The following TMEM270 variants were observed in gnomAD, a reference collection of about 807,000 sequenced individuals.
TMEM270 encodes Williams-Beuren syndrome chromosome region 28.
A neutral mutation model predicts 29.9 loss-of-function variants in TMEM270; 30 were observed. The observed-to-expected ratio is 1.00, with a 90% CI of 0.75 to 1.36. The LOEUF (loss-of-function observed/expected upper bound fraction) is 1.36. Ranked by LOEUF, TMEM270 falls within the 40% of genes most tolerant of loss-of-function variation. TMEM270 has a pLI of 0.00. For synonymous variants in TMEM270, 135 were observed against 139.8 expected, an observed-to-expected ratio of 0.97 and a Z score of 0.24; for missense variants, 313 against 307.1, an observed-to-expected ratio of 1.02 and a Z score of -0.14.
chr7:73,864,640 C>T (rs1297526724), intron 1 of TMEM270, among the ~76,000 whole-genome samples: 2 of 150,830 alleles, frequency 1.3e-5, no homozygotes, highest in South Asian at 2.1e-4. Context: ...CAGTGGCTCA[C>T]GCCTGTAATC....
rs1460743444 is a variant in TMEM270, at chr7:73,865,708, C to G, written c.633C>G (p.Ala211=). ...AYLITWTTCL[A]SHLLQAAFEH... Reference sequence around the variant, plus strand: ...TCATCACCTGGACCACCTGCCTGGCCTCCCACCTGCTGCAGGCTGCCTTTG... The same window carrying G: ...TCATCACCTGGACCACCTGCCTGGCGTCCCACCTGCTGCAGGCTGCCTTTG... Residue 211 remains alanine, a synonymous_variant, in exon 3 of 3, where the codon GCC becomes GCG. Coordinates refer to ENST00000320531, the MANE Select transcript of TMEM270 (RefSeq NM_182504.4). 6.2e-7 allele frequency: 1 copy of G among 1,614,000 alleles called. No homozygotes were observed. Among genetic ancestry groups the G allele is most frequent in the African/African-American group, 1.3e-5 (1 of 74,930 alleles).
In TMEM270 at chr7:73,861,284, G is replaced by GGGGT; in HGVS notation, c.72+18_72+19insGGGT. 95 of 857,082 alleles carry GGGGT rather than the reference G, an allele frequency of 1.1e-4. No individual in the cohort carries two copies. Among genetic ancestry groups the GGGGT allele is most frequent in the Non-Finnish European group, 1.4e-4 (74 of 539,402 alleles). The allele number at this position is 857,082 out of a possible 1,614,324, so 53.1% of individuals were successfully genotyped here. On this transcript the variant is annotated intron_variant, in intron 1 of 2. Transcript: ENST00000320531. The stretch of plus-strand genomic sequence containing the variant: ...CAGTGCTGGTGAGTGGGGGCTGGGG[G>GGGGT]TAAGTGGGGTGGGGACCACACACCA...
In TMEM270 at chr7:73,865,059, G is replaced by A. The variant is rs782267061; in HGVS notation, c.139G>A (p.Val47Met). 8.3e-5 allele frequency: 127 copies of A among 1,531,424 alleles called. No homozygotes were observed. Among genetic ancestry groups the A allele is most frequent in the Non-Finnish European group, 1.0e-4 (119 of 1,140,130 alleles). 94.9% of individuals were successfully genotyped at this position (1,531,424 alleles called of 1,614,324 possible). A position where few individuals can be genotyped will look rare whatever the true frequency, so the allele number is the denominator to read the frequency against. Residue 47 changes from valine (V) to methionine (M), a missense_variant, in exon 2 of 3, where the codon GTG becomes ATG. Val to Met is a conservative substitution (Grantham distance 21, BLOSUM62 1). Coordinates refer to ENST00000320531, the MANE Select transcript of TMEM270 (RefSeq NM_182504.4). ...CAAGATCAACCTCTTCAACCACTGG[G>A]TGTCAGGGCTGGCCCAGGAGGCCCG... ...LLKINLFNHW[V>M]SGLAQEARGS...
At chr7:73,864,153 G>A (rs1392143755) in intron 1 of TMEM270, among the ~76,000 whole-genome samples, 5 of 148,598 alleles carry the variant, frequency 3.4e-5, no homozygotes, top group Non-Finnish European at 7.4e-5. Flanking sequence ...TGGACTTAGT[G>A]AGATGCACCT....
At chr7:73,861,112 C>G (rs1005789875), upstream of TMEM270, 11 of 1,417,180 alleles carry the variant, frequency 7.8e-6, no homozygotes, top group Admixed American at 1.2e-4. Flanking sequence ...CAACCGGGTC[C>G]CCATGGTAAC....
intron 1 of TMEM270, among the ~76,000 whole-genome samples, chr7:73,863,972 A>G (rs1788843712): frequency 6.6e-6 from 1 of 152,046 alleles, no homozygotes; most frequent in Non-Finnish European, 1.5e-5. Context: ...GGAGTATTGT[A>G]AATAATCATT....
At chr7:73,862,296 CAG>C (rs1788806624) in intron 1 of TMEM270, among the ~76,000 whole-genome samples, 1 of 151,774 alleles carries the variant, frequency 6.6e-6, no homozygotes, top group Admixed American at 6.6e-5. Context: ...TTAGTAGAGA[CAG>C]GGTTTCACCG....
At chr7:73,863,464 A>G (rs1554639574) in intron 1 of TMEM270, among the ~76,000 whole-genome samples, 1 of 151,716 alleles carries the variant, frequency 6.6e-6, no homozygotes. Flanking sequence ...ATCTGGGCAA[A>G]CTGCAACCTC....
At chr7:73,862,112 CTT>C (rs782562367) in intron 1 of TMEM270, among the ~76,000 whole-genome samples, 2 of 139,210 alleles carry the variant, frequency 1.4e-5, no homozygotes, top group Non-Finnish European at 1.6e-5. Flanking sequence ...ATCTCTCTCT[CTT>C]TTTTTTTTTT....
chr7:73,862,414 T>A (rs2130600425), intron 1 of TMEM270, among the ~76,000 whole-genome samples: 1 of 151,550 alleles, frequency 6.6e-6, no homozygotes. Context: ...CCCATTCATC[T>A]CTTTTAAACA....
Position 73,861,182 on chromosome 7 carries a change from G to A in TMEM270, c.-13G>A, listed in dbSNP as rs868962787. ...CTGCTTCTCCCAGCTGGAGTAGGTG[G>A]GGGAGGCCAGACATGGAGGCCCTTC... On this transcript the variant is annotated 5_prime_UTR_variant, in exon 1 of 3. Coordinates refer to ENST00000320531, the MANE Select transcript of TMEM270 (RefSeq NM_182504.4). 1 of 1,613,670 alleles carries A rather than the reference G, an allele frequency of 6.2e-7. No individual in the cohort carries two copies. The highest frequency in any genetic ancestry group is 2.2e-5 in the East Asian group (1 of 44,882).
At chr7:73,863,075 C>T (rs549909850) in intron 1 of TMEM270, among the ~76,000 whole-genome samples, 1 of 152,154 alleles carries the variant, frequency 6.6e-6, no homozygotes, top group Non-Finnish European at 1.5e-5. Flanking sequence ...TTTCCTAGCT[C>T]TACCCTAATT....
chr7:73,863,867 C>A (rs1788841898), intron 1 of TMEM270, among the ~76,000 whole-genome samples: 1 of 152,146 alleles, frequency 6.6e-6, no homozygotes, highest in Non-Finnish European at 1.5e-5. Flanking sequence ...AGCCCAGCTA[C>A]TTGGAAGAAG....
chr7:73,860,998 T>C (rs1554639133), upstream of TMEM270, among the ~76,000 whole-genome samples: 1 of 152,186 alleles, frequency 6.6e-6, no homozygotes, highest in African/African-American at 2.4e-5. Flanking sequence ...AAGGAAGCTT[T>C]GCTCTAAGAC....
rs568955889 is a variant in TMEM270, at chr7:73,861,373, C to T, written c.72+107C>T. ...GCCCTGCCTGTCCCATCCAGTGGAA[C>T]GAGGTGGCTGCCTGCCTTCCAGAAT... is the stretch of plus-strand genomic sequence containing the variant. On this transcript the variant is annotated intron_variant, in intron 1 of 2. Coordinates refer to ENST00000320531, the MANE Select transcript of TMEM270 (RefSeq NM_182504.4). 122 of 1,046,108 alleles carry T rather than the reference C, an allele frequency of 1.2e-4. No individual in the cohort carries two copies. In the South Asian group the frequency reaches 1.4e-3, roughly 12 times the overall value. The allele number at this position is 1,046,108 out of a possible 1,614,324, so 64.8% of individuals were successfully genotyped here.
chr7:73,863,125 C>T (rs969771593), intron 1 of TMEM270, among the ~76,000 whole-genome samples: 3 of 152,146 alleles, frequency 2.0e-5, no homozygotes, highest in Non-Finnish European at 2.9e-5. Flanking sequence ...CATAGCTCCA[C>T]CCTCCACGTC....
intron 1 of TMEM270, among the ~76,000 whole-genome samples, chr7:73,864,114 CAAAAA>C (rs34181696): frequency 2.8e-4 from 23 of 81,010 alleles, no homozygotes; most frequent in African/African-American, 1.0e-3. Context: ...CCCGCCTCTA[CAAAAA>C]AAAAAAAAAA....
In TMEM270 at chr7:73,861,606, G is replaced by A. The variant is rs1175069098; in HGVS notation, c.72+340G>A. The A allele has an allele frequency of 9.7e-6, 4 of 411,536 alleles. No homozygotes were observed. In the East Asian group the frequency reaches 2.3e-4, roughly 24 times the overall value. 25.5% of individuals were successfully genotyped at this position (411,536 alleles called of 1,614,324 possible). A position where few individuals can be genotyped will look rare whatever the true frequency, so the allele number is the denominator to read the frequency against. ...CGGGACTATAGGTGTGCACCACCAC[G>A]CCTGACTAATTTTTGTATTTTGTAG... On this transcript the variant is annotated intron_variant, in intron 1 of 2. Transcript: ENST00000320531.
At chr7:73,863,335 T>C (rs1185474680) in intron 1 of TMEM270, among the ~76,000 whole-genome samples, 1 of 151,702 alleles carries the variant, frequency 6.6e-6, no homozygotes, top group African/African-American at 2.4e-5. Context: ...CAGCTTCATC[T>C]CAGTGAATGG....
Sources: gnomAD v4.1 joint callset for allele counts (sites outside exome capture counted in the v4.1 genomes callset) on GRCh38, gnomAD v4.1.1 for gene constraint, MANE v1.5 for transcripts, NCBI Gene and HGNC (gene_info 2026-07-23, HGNC 2026-07-21) for gene names.